MTA3: variants seen among roughly 807,000 people sequenced by gnomAD.
The protein encoded by MTA3 is metastasis associated 1 family member 3.
MTA3 carries 34 observed loss-of-function variants against 83.5 expected under a neutral mutation model. The ratio of observed to expected loss-of-function variants is 0.41; its 90% CI spans 0.31 to 0.54. The LOEUF is 0.54. Ranked by LOEUF, MTA3 falls within the 20% of genes least tolerant of loss-of-function variation. MTA3 has a pLI of 0.33. For missense variants in MTA3, 761 were observed against 726.4 expected (o/e 1.05, Z -0.55); for synonymous variants, 303 against 252.7 (o/e 1.20, Z -1.89).
intron 2 of MTA3, among the ~76,000 whole-genome samples, chr2:42,534,002 C>T (rs1676106516): frequency 6.6e-6 from 1 of 152,086 alleles, no homozygotes; most frequent in South Asian, 2.1e-4. Flanking sequence ...TGGGCCCTAG[C>T]GAGATCTCCT....
At chr2:42,578,876 TTTAA>T (rs1303411857) in intron 2 of MTA3, among the ~76,000 whole-genome samples, 1 of 152,202 alleles carries the variant, frequency 6.6e-6, no homozygotes, top group Non-Finnish European at 1.5e-5. Context: ...ATCAGTTTAG[TTTAA>T]TTAATGCCAG....
intron 2 of MTA3, among the ~76,000 whole-genome samples, chr2:42,577,200 A>G (rs908155230): frequency 2.3e-4 from 35 of 149,796 alleles, no homozygotes; most frequent in African/African-American, 8.1e-4. Context: ...ATTAAATGCC[A>G]TTAACAGTTG....
intron 2 of MTA3, among the ~76,000 whole-genome samples, chr2:42,514,632 C>T (rs1675052964): frequency 6.8e-6 from 1 of 146,602 alleles, no homozygotes; most frequent in Non-Finnish European, 1.5e-5. Flanking sequence ...GATCTGCCCA[C>T]CTCGGGCTCC....
At chr2:42,564,265 C>T (rs1000257785), upstream of MTA3, among the ~76,000 whole-genome samples, 1 of 152,204 alleles carries the variant, frequency 6.6e-6, no homozygotes, top group Non-Finnish European at 1.5e-5. Flanking sequence ...GAGAAGGAAC[C>T]TTCTTGTGGA....
chr2:42,660,976 C>A (rs777225576), intron 8 of MTA3, among the ~76,000 whole-genome samples: 1 of 152,152 alleles, frequency 6.6e-6, no homozygotes, highest in East Asian at 1.9e-4. Flanking sequence ...TGAGCCACTG[C>A]TCCCAGCCTT....
In MTA3 at chr2:42,574,547, C is replaced by T. The variant is rs142729255; in HGVS notation, c.96+4043C>T. On this transcript the variant is annotated intron_variant, in intron 2 of 16. Coordinates refer to ENST00000405094, the MANE Select transcript of MTA3 (RefSeq NM_001330442.2). ...CTCCTCCCAGGTTCAAGTGATTCTC[C>T]TCCCTCAGCCTCCCAATTAGCTGGG... Among the ~76,000 whole-genome samples the T allele has an allele frequency of 1.2e-3, 180 of 152,282 alleles. 3 individuals are homozygous for T. The East Asian group carries it at 0.033, about 28-fold the overall frequency.
chr2:42,594,703 T>TAC, intron 3 of MTA3, among the ~76,000 whole-genome samples: 1 of 54,932 alleles, frequency 1.8e-5, no homozygotes, highest in Non-Finnish European at 3.0e-5. Context: ...TATATAAATA[T>TAC]ACATATATAT....
At chr2:42,728,711 G>A (rs7575390) in intron 16 of MTA3, among the ~76,000 whole-genome samples, 90,315 of 152,074 alleles carry the variant, frequency 0.59, 28,737 homozygotes, top group African/African-American at 0.84. Flanking sequence ...ATGATCATTG[G>A]TGTTGAACAC....
intron 2 of MTA3, among the ~76,000 whole-genome samples, chr2:42,573,935 C>T (rs1210666314): frequency 6.6e-6 from 1 of 152,146 alleles, no homozygotes; most frequent in African/African-American, 2.4e-5. Flanking sequence ...TCTCCTGCCT[C>T]AGCCTCCCGA....
chr2:42,660,077 GT>G lies in MTA3; in HGVS notation c.702+228del, dbSNP rs113008417. Among the ~76,000 whole-genome samples, 754 of 143,854 alleles carry G rather than the reference GT, an allele frequency of 5.2e-3. 6 individuals carry two copies. The highest frequency in any genetic ancestry group is 0.014 in the African/African-American group (548 of 39,508). 94.4% of individuals were successfully genotyped at this position (143,854 alleles called of 152,430 possible). ...TGTCTGTTCATTAGAAAGAGGGGCT[GT>G]TTTTTTTTTTTTCTTTCTTTTTATA... On this transcript the variant is annotated intron_variant, in intron 8 of 16. Transcript: ENST00000405094.
intron 10 of MTA3, among the ~76,000 whole-genome samples, chr2:42,697,209 G>A (rs1693468050): frequency 6.6e-6 from 1 of 152,130 alleles, no homozygotes; most frequent in African/African-American, 2.4e-5. Context: ...CCTACATATG[G>A]CTCCTAATTG....
chr2:42,737,347 A>G (rs1038744170), intron 16 of MTA3, among the ~76,000 whole-genome samples: 1 of 152,180 alleles, frequency 6.6e-6, no homozygotes, highest in Non-Finnish European at 1.5e-5. Flanking sequence ...GCTGGCCTAA[A>G]TGCTCCTTCT....
chr2:42,686,590 C>G (rs191066588), intron 9 of MTA3, among the ~76,000 whole-genome samples: 1 of 151,208 alleles, frequency 6.6e-6, no homozygotes, highest in Non-Finnish European at 1.5e-5. Flanking sequence ...TTTGGGAGGC[C>G]GAGGCGGGCG....
chr2:42,573,259 A>C (rs932661840), intron 2 of MTA3, among the ~76,000 whole-genome samples: 2 of 152,202 alleles, frequency 1.3e-5, no homozygotes, highest in Non-Finnish European at 2.9e-5. Flanking sequence ...TTGAGAAGGC[A>C]AGCCTGACCT....
intron 6 of MTA3, among the ~76,000 whole-genome samples, chr2:42,650,062 G>T (rs1688569690): frequency 6.6e-6 from 1 of 152,004 alleles, no homozygotes; most frequent in Non-Finnish European, 1.5e-5. Context: ...TGGTAGTTTT[G>T]CAGAATATGA....
chr2:42,699,781 C>A (rs1396972418), intron 11 of MTA3, among the ~76,000 whole-genome samples: 1 of 152,052 alleles, frequency 6.6e-6, no homozygotes, highest in African/African-American at 2.4e-5. Flanking sequence ...TATGCTGTCA[C>A]CAAATACTGG....
chr2:42,564,270 T>C (rs1572990198), upstream of MTA3, among the ~76,000 whole-genome samples: 1 of 152,176 alleles, frequency 6.6e-6, no homozygotes, highest in South Asian at 2.1e-4. Flanking sequence ...GGAACCTTCT[T>C]GTGGAAGCAG....
intron 2 of MTA3, among the ~76,000 whole-genome samples, chr2:42,512,122 TC>T (rs573497892): frequency 9.0e-4 from 137 of 151,602 alleles, no homozygotes; most frequent in Non-Finnish European, 1.7e-3. Flanking sequence ...AGGGTTTTTT[TC>T]TTTTTCTTTT....
chr2:42,574,347 G>A (rs1388191084), intron 2 of MTA3, among the ~76,000 whole-genome samples: 2 of 149,012 alleles, frequency 1.3e-5, no homozygotes. Context: ...GGCTGGTCTC[G>A]AACTCCCGAC....
Sources: allele counts gnomAD v4.1 joint callset (sites outside exome capture counted in the v4.1 genomes callset), GRCh38; gene constraint gnomAD v4.1.1; transcripts MANE v1.5; gene names NCBI Gene and HGNC (gene_info 2026-07-23, HGNC 2026-07-21).